Variants in MECOM observed in about 807,000 individuals in gnomAD.
MECOM encodes histone-lysine N-methyltransferase MECOM.
MECOM carries 13 observed loss-of-function variants against 116.3 expected under a neutral mutation model. That is an observed-to-expected ratio of 0.11 (90% CI 0.07 to 0.18). The LOEUF (loss-of-function observed/expected upper bound fraction) is 0.18, where lower values mean the gene tolerates loss of function less well. Among genes scored for constraint, MECOM ranks in the 10% least tolerant of loss-of-function variants. MECOM has a pLI of 1.00. For missense variants in MECOM, 1,299 were observed against 1,509.0 expected (o/e 0.86, Z 2.31); for synonymous variants, 528 against 535.2 (o/e 0.99, Z 0.19).
At chr3:169,257,223 T>C (rs1402382877) in intron 2 of MECOM, among the ~76,000 whole-genome samples, 2 of 152,234 alleles carry the variant, frequency 1.3e-5, no homozygotes, top group Non-Finnish European at 2.9e-5. Flanking sequence ...ATATACATTA[T>C]AAGCACCAAA....
chr3:169,613,351 A>G (rs1379570433), intron 1 of MECOM, among the ~76,000 whole-genome samples: 1 of 152,206 alleles, frequency 6.6e-6, no homozygotes, highest in Non-Finnish European at 1.5e-5. Flanking sequence ...TGTTTTTAAC[A>G]TCGGGGCGGA....
chr3:169,224,041 C>A (rs980502526), intron 2 of MECOM, among the ~76,000 whole-genome samples: 2 of 152,190 alleles, frequency 1.3e-5, no homozygotes, highest in African/African-American at 4.8e-5. Context: ...TAGTTGACTA[C>A]CGTGCCCTAG....
At chr3:169,332,431 G>A (rs1487319564) in intron 2 of MECOM, among the ~76,000 whole-genome samples, 1 of 152,104 alleles carries the variant, frequency 6.6e-6, no homozygotes, top group Non-Finnish European at 1.5e-5. Context: ...CAATGTAAAT[G>A]AGCCAGAACG....
At chr3:169,590,426 T>C (rs1766272888) in intron 1 of MECOM, among the ~76,000 whole-genome samples, 1 of 152,192 alleles carries the variant, frequency 6.6e-6, no homozygotes, top group African/African-American at 2.4e-5. Context: ...CAAAATCTGC[T>C]CCCACAGAGG....
At chr3:169,401,819 T>C (rs201728733) in intron 1 of MECOM, among the ~76,000 whole-genome samples, 1 of 152,188 alleles carries the variant, frequency 6.6e-6, no homozygotes, top group East Asian at 1.9e-4. Flanking sequence ...ATTGTCTGAC[T>C]TATAGTGAGA....
intron 2 of MECOM, among the ~76,000 whole-genome samples, chr3:169,211,568 T>G (rs1173897865): frequency 6.6e-6 from 1 of 152,148 alleles, no homozygotes; most frequent in East Asian, 1.9e-4. Flanking sequence ...CTTTCACAGA[T>G]TTGCATGGCT....
At chr3:169,092,920 A>T (rs971886011) in intron 14 of MECOM, 38 bp downstream of exon 14, 6 of 1,610,200 alleles carry the variant, frequency 3.7e-6, no homozygotes, top group Non-Finnish European at 5.1e-6. Flanking sequence ...TGTTCATTTC[A>T]GTCGTCACAG....
intron 2 of MECOM, among the ~76,000 whole-genome samples, chr3:169,318,225 A>G (rs1720117971): frequency 6.6e-6 from 1 of 152,196 alleles, no homozygotes; most frequent in South Asian, 2.1e-4. Context: ...AGACTTCATG[A>G]CTAAAACACC....
At chr3:169,157,485 G>T (rs1316711990) in intron 2 of MECOM, among the ~76,000 whole-genome samples, 1 of 152,162 alleles carries the variant, frequency 6.6e-6, no homozygotes, top group Non-Finnish European at 1.5e-5. Context: ...AATCCATTTA[G>T]TGAGTGTCAC....
chr3:169,275,100 A>G (rs1759418997), intron 2 of MECOM, among the ~76,000 whole-genome samples: 1 of 152,182 alleles, frequency 6.6e-6, no homozygotes, highest in Non-Finnish European at 1.5e-5. Context: ...TTTTACCTGA[A>G]AAGGCACAAA....
chr3:169,562,139 C>CAAAAAAAAAAAAAA (rs10714325), intron 1 of MECOM, among the ~76,000 whole-genome samples: 4 of 25,286 alleles, frequency 1.6e-4, no homozygotes, highest in East Asian at 7.4e-4. Flanking sequence ...GAGCAATACT[C>CAAAAAAAAAAAAAA]AAAAAAAAAA....
At chr3:169,357,993 T>C (rs889820032) in intron 2 of MECOM, among the ~76,000 whole-genome samples, 1 of 151,794 alleles carries the variant, frequency 6.6e-6, no homozygotes, top group Non-Finnish European at 1.5e-5. Flanking sequence ...TTTGGAACCA[T>C]GTGTTATTTT....
intron 2 of MECOM, among the ~76,000 whole-genome samples, chr3:169,185,020 C>T (rs1746516919): frequency 6.6e-6 from 1 of 152,024 alleles, no homozygotes; most frequent in South Asian, 2.1e-4. Context: ...AGATGGTGAG[C>T]CTATTAACCC....
intron 1 of MECOM, among the ~76,000 whole-genome samples, chr3:169,554,519 G>A (rs1761805838): frequency 6.6e-6 from 1 of 152,084 alleles, no homozygotes; most frequent in African/African-American, 2.4e-5. Flanking sequence ...TAAAATACAG[G>A]CAAAGTTATC....
At chr3:169,142,733 T>C (rs866949014) in intron 3 of MECOM, among the ~76,000 whole-genome samples, 12 of 151,976 alleles carry the variant, frequency 7.9e-5, no homozygotes, top group Admixed American at 4.6e-4. Flanking sequence ...CTCATAATAA[T>C]GAATGAAATA....
chr3:169,118,846 T>C lies in MECOM; in HGVS notation c.1133-2107A>G, dbSNP rs527893008. On this transcript the variant is annotated intron_variant, in intron 7 of 16. Transcript: ENST00000651503. ...TGTCTGGGCTCAAGAACATCGAATC[T>C]GGGATGTTTTCTTAGGCAGAGGCTT... 3.9e-5 allele frequency among the ~76,000 whole-genome samples: 6 copies of C among 152,278 alleles called. No homozygotes were observed. In the South Asian group the frequency reaches 1.2e-3, roughly 32 times the overall value.
At chr3:169,202,442 T>C (rs1749288804) in intron 2 of MECOM, among the ~76,000 whole-genome samples, 1 of 152,072 alleles carries the variant, frequency 6.6e-6, no homozygotes, top group Admixed American at 6.6e-5. Context: ...TTGCAGAATG[T>C]TTTCCTTCCT....
chr3:169,373,758 A>G (rs1046406726), intron 2 of MECOM, among the ~76,000 whole-genome samples: 1 of 151,950 alleles, frequency 6.6e-6, no homozygotes, highest in Admixed American at 6.6e-5. Flanking sequence ...ACAGTTAGTG[A>G]CAGAAGCAAG....
At chr3:169,454,825 T>C (rs1746204911) in intron 1 of MECOM, among the ~76,000 whole-genome samples, 1 of 152,140 alleles carries the variant, frequency 6.6e-6, no homozygotes, top group Non-Finnish European at 1.5e-5. Context: ...ACTCAAATAA[T>C]AATAAGTCCC....
Sources: allele counts gnomAD v4.1 joint callset (sites outside exome capture counted in the v4.1 genomes callset), GRCh38; gene constraint gnomAD v4.1.1; transcripts MANE v1.5; gene names NCBI Gene and HGNC (gene_info 2026-07-23, HGNC 2026-07-21).